The following EEF1AKMT1 variants were observed in gnomAD, a reference collection of about 807,000 sequenced individuals.
The protein encoded by EEF1AKMT1 is EEF1A lysine methyltransferase 1, also known as N-6 adenine-specific DNA methyltransferase 2 (putative).
Under a neutral mutation model 21.0 loss-of-function variants are expected in EEF1AKMT1, and 18 were observed. The observed-to-expected ratio is 0.86, with a 90% CI of 0.59 to 1.27. The LOEUF (loss-of-function observed/expected upper bound fraction) is 1.27, where lower values mean the gene tolerates loss of function less well. EEF1AKMT1 is among the 50% of genes most tolerant of loss of function. The pLI is 0.00. For synonymous variants in EEF1AKMT1, 109 were observed against 94.8 expected, an observed-to-expected ratio of 1.15 and a Z score of -0.87; for missense variants, 246 against 258.6, an observed-to-expected ratio of 0.95 and a Z score of 0.33.
chr13:20,761,305 G>A (rs2059000655), intron 1 of EEF1AKMT1, among the ~76,000 whole-genome samples: 1 of 152,078 alleles, frequency 6.6e-6, no homozygotes, highest in South Asian at 2.1e-4. Context: ...CAATAATTTT[G>A]TCACTTTAGA....
At chr13:20,739,152 G>T (rs759073385) in intron 2 of EEF1AKMT1, among the ~76,000 whole-genome samples, 1 of 151,960 alleles carries the variant, frequency 6.6e-6, no homozygotes, top group Non-Finnish European at 1.5e-5. Context: ...GGAGTTGGTA[G>T]TTCCTCCCAT....
intron 1 of EEF1AKMT1, among the ~76,000 whole-genome samples, chr13:20,761,343 G>A (rs1482631166): frequency 6.6e-6 from 1 of 152,172 alleles, no homozygotes; most frequent in Non-Finnish European, 1.5e-5. Flanking sequence ...TATATAACTT[G>A]AGATTGTCAT....
At chr13:20,752,302 T>C (rs2058945883) in intron 2 of EEF1AKMT1, among the ~76,000 whole-genome samples, 2 of 152,182 alleles carry the variant, frequency 1.3e-5, no homozygotes, top group Admixed American at 1.3e-4. Context: ...ATAGCCTTTA[T>C]TATGATGAGG....
intron 1 of EEF1AKMT1, among the ~76,000 whole-genome samples, chr13:20,762,933 T>C (rs1404339128): frequency 6.6e-6 from 1 of 152,318 alleles, no homozygotes; most frequent in East Asian, 1.9e-4. Context: ...GATCATGTGA[T>C]TTTTCTTTAA....
In EEF1AKMT1 at chr13:20,731,972, A is replaced by G; in HGVS notation, c.377T>C (p.Leu126Ser). 1 of 1,614,242 alleles carries G rather than the reference A, an allele frequency of 6.2e-7. No homozygotes were observed. The highest frequency in any genetic ancestry group is 8.5e-7 in the Non-Finnish European group (1 of 1,180,044). The change falls in exon 4 of 5, where the codon TTA (leucine) becomes TCA (serine). Residue 126 changes from leucine to serine, a missense_variant. Leu to Ser is a moderately radical substitution (Grantham distance 145, BLOSUM62 -2). Coordinates refer to ENST00000382758, the MANE Select transcript of EEF1AKMT1 (RefSeq NM_001318939.2). ...ACTATGTGCAGCAATTCTTTCGGGTAAGTCCAATGGATTATTGTAATCATA... is the reference window on the plus strand; with the variant it reads ...ACTATGTGCAGCAATTCTTTCGGGTGAGTCCAATGGATTATTGTAATCATA... ...IFYDYNNPLD[L>S]PERIAAHSFD...
At chr13:20,760,665 T>A (rs1019247971) in intron 1 of EEF1AKMT1, among the ~76,000 whole-genome samples, 2 of 152,034 alleles carry the variant, frequency 1.3e-5, no homozygotes, top group African/African-American at 4.8e-5. Context: ...TGCACATGTA[T>A]GCCCTGAATC....
At chr13:20,743,538 C>T (rs1472469093) in intron 2 of EEF1AKMT1, among the ~76,000 whole-genome samples, 1 of 151,336 alleles carries the variant, frequency 6.6e-6, no homozygotes, top group African/African-American at 2.4e-5. Flanking sequence ...CCTCAAAAGT[C>T]TGGGGAGGTG....
chr13:20,739,778 T>C (rs1339541563), intron 2 of EEF1AKMT1, among the ~76,000 whole-genome samples: 3 of 151,506 alleles, frequency 2.0e-5, no homozygotes, highest in African/African-American at 7.3e-5. Context: ...TTTAGCTAGA[T>C]ACAGAGTGCT....
intron 1 of EEF1AKMT1, among the ~76,000 whole-genome samples, chr13:20,761,030 C>A (rs1456704576): frequency 2.6e-5 from 4 of 152,220 alleles, no homozygotes; most frequent in African/African-American, 4.8e-5. Context: ...AACTACAGTG[C>A]ATTGTCAAAC....
chr13:20,733,498 C>T (rs553055780), intron 3 of EEF1AKMT1, among the ~76,000 whole-genome samples: 1 of 152,200 alleles, frequency 6.6e-6, no homozygotes, highest in Non-Finnish European at 1.5e-5. Context: ...GAGGCGTGAG[C>T]CACTGTGCCC....
chr13:20,732,992 C>G (rs892896461), intron 3 of EEF1AKMT1, among the ~76,000 whole-genome samples: 2 of 151,930 alleles, frequency 1.3e-5, no homozygotes, highest in Non-Finnish European at 2.9e-5. Context: ...TACAGCAGCC[C>G]AGTTTATGAA....
chr13:20,736,619 A>T (rs2596148), intron 3 of EEF1AKMT1, among the ~76,000 whole-genome samples: 56,329 of 151,786 alleles, frequency 0.37, 11,566 homozygotes, highest in East Asian at 0.75. Context: ...GGGTTTTTTT[A>T]AAAAAGAAGT....
intron 1 of EEF1AKMT1, among the ~76,000 whole-genome samples, chr13:20,764,915 A>C (rs919476120): frequency 6.8e-6 from 1 of 146,498 alleles, no homozygotes; most frequent in African/African-American, 2.6e-5. Flanking sequence ...ACACACACAC[A>C]CACCCTAATT....
At chr13:20,771,564 G>A (rs532170331) in intron 1 of EEF1AKMT1, among the ~76,000 whole-genome samples, 2 of 152,288 alleles carry the variant, frequency 1.3e-5, no homozygotes, top group Admixed American at 6.5e-5. Context: ...AATGTTAGAT[G>A]ACAATAAGAT....
intron 3 of EEF1AKMT1, among the ~76,000 whole-genome samples, chr13:20,735,324 C>CT (rs1210408104): frequency 2.1e-5 from 1 of 47,096 alleles, no homozygotes; most frequent in Non-Finnish European, 4.8e-5. Context: ...ATCCCAAAGC[C>CT]TGCCCCCCAC....
intron 1 of EEF1AKMT1, among the ~76,000 whole-genome samples, chr13:20,771,967 C>T (rs779138184): frequency 6.6e-6 from 1 of 151,210 alleles, no homozygotes; most frequent in South Asian, 2.1e-4. Flanking sequence ...GCTGAGATCT[C>T]GCCATTGCAC....
intron 2 of EEF1AKMT1, among the ~76,000 whole-genome samples, chr13:20,754,776 A>G (rs1162909992): frequency 6.7e-6 from 1 of 149,090 alleles, no homozygotes. Context: ...CACTAGGTGT[A>G]GTGGCACATG....
At chr13:20,746,394 ACCTG>A (rs1231932737) in intron 2 of EEF1AKMT1, among the ~76,000 whole-genome samples, 1 of 152,136 alleles carries the variant, frequency 6.6e-6, no homozygotes, top group Non-Finnish European at 1.5e-5. Context: ...CTTGTGATCC[ACCTG>A]CCTTGGCTTC....
chr13:20,748,715 G>GGTTTGTTTTTT (rs1555326495), intron 2 of EEF1AKMT1, among the ~76,000 whole-genome samples: 28 of 105,808 alleles, frequency 2.6e-4, no homozygotes, highest in African/African-American at 1.0e-3. Flanking sequence ...ATGTATAGTT[G>GGTTTGTTTTTT]TTTTTTTTTG....
Sources: gnomAD v4.1 joint callset for allele counts (sites outside exome capture counted in the v4.1 genomes callset) on GRCh38, gnomAD v4.1.1 for gene constraint, MANE v1.5 for transcripts, NCBI Gene and HGNC (gene_info 2026-07-23, HGNC 2026-07-21) for gene names.